The following LEMD2 variants were observed in gnomAD, a reference collection of about 807,000 sequenced individuals.
The protein encoded by LEMD2 is LEM domain-containing protein 2.
A neutral mutation model predicts 58.8 loss-of-function variants in LEMD2; 34 were observed. The observed-to-expected ratio is 0.58, with a 90% CI of 0.44 to 0.77. LEMD2 has a LOEUF of 0.77. Among genes scored for constraint, LEMD2 ranks in the 30% least tolerant of loss-of-function variants. The pLI, the probability that LEMD2 is intolerant of heterozygous loss-of-function variation, is 0.00. For missense variants in LEMD2, 629 were observed against 717.9 expected (o/e 0.88, Z 1.42); for synonymous variants, 298 against 308.9 (o/e 0.96, Z 0.37).
chr6:33,787,226 TAAAGCATCTCAGCAGTGAGTA>T (rs369220104), intron 1 of LEMD2: 9,554 of 170,478 alleles, frequency 0.056, 498 homozygotes, highest in African/African-American at 0.14. Context: ...GCTGTTGTCT[TAAAGCATCTCAGCAGTGAGTA>T]CCAGTGTGAT....
At chr6:33,776,562 T>C (rs1767433780) in intron 8 of LEMD2, 1 of 232,838 alleles carries the variant, frequency 4.3e-6, no homozygotes, top group Non-Finnish European at 8.8e-6. Flanking sequence ...ACAAGAGCAA[T>C]GGAACCGGAG....
intron 1 of LEMD2, 117 bp downstream of exon 1, chr6:33,788,264 C>G (rs936226659): frequency 9.5e-7 from 1 of 1,054,968 alleles, no homozygotes; most frequent in Non-Finnish European, 1.3e-6. Flanking sequence ...AATGAGAAGA[C>G]AGTCAGAGGC....
intron 1 of LEMD2, among the ~76,000 whole-genome samples, chr6:33,787,746 TG>T (rs2127383767): frequency 6.6e-6 from 1 of 152,372 alleles, no homozygotes; most frequent in East Asian, 1.9e-4. Flanking sequence ...GAAGGATGGC[TG>T]TGAGCATCCT....
chr6:33,777,371 C>T, intron 6 of LEMD2, 132 bp from the exon 7 acceptor site: 2 of 726,286 alleles, frequency 2.8e-6, no homozygotes, highest in South Asian at 1.5e-5. Context: ...GTGTCAGGCT[C>T]AGGGCCAGCA....
chr6:33,779,858 C>A (rs1767524300), intron 5 of LEMD2: 3 of 453,068 alleles, frequency 6.6e-6, no homozygotes, highest in Non-Finnish European at 1.2e-5. Flanking sequence ...TTAGCTGGAA[C>A]ACCAGGCTAA....
rs1767490802 is a variant in LEMD2, at chr6:33,778,541, A to T, written c.1011-154T>A. The T allele has an allele frequency of 1.2e-5, 6 of 515,618 alleles. No homozygotes were observed. The South Asian group carries it at 2.8e-4, about 24-fold the overall frequency. 31.9% of individuals were successfully genotyped at this position (515,618 alleles called of 1,614,324 possible). A position where few individuals can be genotyped will look rare whatever the true frequency, so the allele number is the denominator to read the frequency against. On this transcript the variant is annotated intron_variant, in intron 5 of 8. Coordinates refer to ENST00000293760, the MANE Select transcript of LEMD2 (RefSeq NM_181336.4). This position sits in a 1 kb window ranked among gnomAD's most constrained non-coding sequence, Gnocchi z 4.7. ...TTGGTATCCTGGCTGCATTCTTTCCAGAAATTTCCCACATTGGCTACTTAG... is the reference window on the plus strand; with the variant it reads ...TTGGTATCCTGGCTGCATTCTTTCCTGAAATTTCCCACATTGGCTACTTAG...
At chr6:33,784,472 G>GGGGA in intron 2 of LEMD2, 45 bp from the exon 3 acceptor site, 1 of 418,086 alleles carries the variant, frequency 2.4e-6, no homozygotes, top group Admixed American at 2.5e-5. Context: ...GGGTGGGTGG[G>GGGGA]AGGGGTCCGT....
rs1205588445 is a variant in LEMD2 at position 33,780,143 on chromosome 6, C to T, written c.967G>A (p.Ala323Thr). The T allele has an allele frequency of 8.1e-6, 13 of 1,596,730 alleles. No individual in the cohort carries two copies. Among genetic ancestry groups the T allele is most frequent in the South Asian group, 1.1e-5 (1 of 88,142 alleles). ...TSSSSAKFEA[A>T]LTWILSSNKD... is the part of the protein sequence containing the mutation. ...TTACTGCTCAGTATCCAGGTCAGTG[C>T]GGCTTCAAACTTGGCGGAGGAGCTG... The change falls in exon 5 of 9, where the codon GCA (alanine) becomes ACA (threonine). Residue 323 changes from alanine (A) to threonine (T), a missense_variant. Physicochemically the swap from Ala to Thr is moderately conservative, Grantham distance 58 (BLOSUM62 0). Coordinates refer to ENST00000293760, the MANE Select transcript of LEMD2 (RefSeq NM_181336.4).
chr6:33,785,795 AC>A (rs1430897586), intron 2 of LEMD2, among the ~76,000 whole-genome samples: 1 of 152,206 alleles, frequency 6.6e-6, no homozygotes, highest in African/African-American at 2.4e-5. Context: ...TTTTTACAAA[AC>A]AATTGGGAAG....
At position 33,789,124 on chromosome 6, in the gene LEMD2, A is replaced by ACGCCGCCCCCCGCCCGCCCCTGGCGCG; in HGVS notation, c.-9_-8insCGCGCCAGGGGCGGGCGGGGGGCGGCG. 1 of 1,504,696 alleles carries ACGCCGCCCCCCGCCCGCCCCTGGCGCG rather than the reference A, an allele frequency of 6.6e-7. No individual in the cohort carries two copies. The highest frequency in any genetic ancestry group is 1.2e-5 in the South Asian group (1 of 80,424). The allele number at this position is 1,504,696 out of a possible 1,614,324, so 93.2% of individuals were successfully genotyped here. On this transcript the variant is annotated 5_prime_UTR_variant, in exon 1 of 9. Coordinates refer to ENST00000293760, the MANE Select transcript of LEMD2 (RefSeq NM_181336.4). ...GTCCGACAGGCCGGCCATGGCCAGGACGCCGCCCCCCGCCCGCCCCTGGCG... is the reference window on the plus strand; with the variant it reads ...GTCCGACAGGCCGGCCATGGCCAGGACGCCGCCCCCCGCCCGCCCCTGGCGCGCGCCGCCCCCCGCCCGCCCCTGGCG...
At chr6:33,783,153 T>A (rs1767601757) in intron 3 of LEMD2, among the ~76,000 whole-genome samples, 2 of 152,196 alleles carry the variant, frequency 1.3e-5, no homozygotes, top group African/African-American at 4.8e-5. Flanking sequence ...CTATGGGTCC[T>A]TGGACCACAT....
At chr6:33,779,313 C>T (rs1767511741) in intron 5 of LEMD2, 2 of 151,544 alleles carry the variant, frequency 1.3e-5, no homozygotes, top group Non-Finnish European at 2.9e-5. Flanking sequence ...ATCCAGTTAT[C>T]CAGCTTGAGG....
chr6:33,782,390 T>C (rs1401695296), intron 3 of LEMD2: 1 of 152,338 alleles, frequency 6.6e-6, no homozygotes, highest in Non-Finnish European at 1.5e-5. Context: ...GATCAAGCTC[T>C]GGTGGCCTGG....
intron 2 of LEMD2, among the ~76,000 whole-genome samples, chr6:33,786,387 C>T (rs980221091): frequency 1.8e-4 from 27 of 152,164 alleles, no homozygotes; most frequent in Non-Finnish European, 3.1e-4. Flanking sequence ...TGCTTAGAAA[C>T]GCCGGCCCTT....
intron 4 of LEMD2, 39 bp downstream of exon 4, chr6:33,781,038 G>C (rs773080096): frequency 6.5e-6 from 9 of 1,392,920 alleles, no homozygotes; most frequent in Non-Finnish European, 9.1e-6. Context: ...GAAAGCACCA[G>C]GCCCTCCCAG....
At position 33,788,972 on chromosome 6, in the gene LEMD2, G is replaced by T; in HGVS notation, c.145C>A (p.Arg49=). ...RGEARLRDEE[R]LREEARPRGE... The stretch of plus-strand genomic sequence containing the variant: ...CGCGGCCGGGCCTCCTCCCGCAGCC[G>T]CTCCTCGTCGCGCAGCCGGGCCTCG... The change falls in exon 1 of 9, where the codon CGG becomes AGG. Residue 49 remains arginine (R), a synonymous_variant. Coordinates refer to ENST00000293760, the MANE Select transcript of LEMD2 (RefSeq NM_181336.4). 1 of 1,536,818 alleles carries T rather than the reference G, an allele frequency of 6.5e-7. No homozygotes were observed. The highest frequency in any genetic ancestry group is 1.2e-5 in the South Asian group (1 of 84,142).
chr6:33,782,905 C>T (rs909688733), intron 3 of LEMD2, among the ~76,000 whole-genome samples: 1 of 152,226 alleles, frequency 6.6e-6, no homozygotes, highest in African/African-American at 2.4e-5. Context: ...TCAAGGCGGC[C>T]CCCCAGGCTT....
chr6:33,785,803 G>A (rs1767663645), intron 2 of LEMD2, among the ~76,000 whole-genome samples: 1 of 152,292 alleles, frequency 6.6e-6, no homozygotes, highest in African/African-American at 2.4e-5. Flanking sequence ...AAACAATTGG[G>A]AAGCAAAGAT....
intron 2 of LEMD2, chr6:33,784,637 A>G: frequency 1.9e-6 from 1 of 513,594 alleles, no homozygotes; most frequent in East Asian, 3.2e-5. Context: ...ACCCTGGAGA[A>G]GCAGAGGCAA....
Sources: allele counts gnomAD v4.1 joint callset (sites outside exome capture counted in the v4.1 genomes callset), GRCh38; gene constraint gnomAD v4.1.1; non-coding constraint Gnocchi (gnomAD v3.1); transcripts MANE v1.5; gene names NCBI Gene and HGNC (gene_info 2026-07-23, HGNC 2026-07-21).